WDR36: variants seen among roughly 807,000 people sequenced by gnomAD.
The protein encoded by WDR36 is WD repeat domain 36.
WDR36 carries 63 observed loss-of-function variants against 112.7 expected under a neutral mutation model. The ratio of observed to expected loss-of-function variants is 0.56; its 90% CI spans 0.46 to 0.69. The LOEUF (loss-of-function observed/expected upper bound fraction) is 0.69. Ranked by LOEUF, WDR36 falls within the 30% of genes least tolerant of loss-of-function variation. WDR36 has a pLI of 0.00. For missense variants in WDR36, 1,226 were observed against 1,070.3 expected (o/e 1.15, Z -2.03); for synonymous variants, 410 against 362.2 (o/e 1.13, Z -1.50).
At chr5:111,105,420 A>G in intron 10 of WDR36, 60 bp downstream of exon 10, 1 of 1,474,558 alleles carries the variant, frequency 6.8e-7, no homozygotes, top group South Asian at 1.1e-5. Flanking sequence ...ACATTCTATG[A>G]AACAACTGGA....
intron 4 of WDR36, among the ~76,000 whole-genome samples, chr5:111,099,455 TTTTTTTTG>T (rs1329671394): frequency 4.5e-5 from 3 of 67,202 alleles, no homozygotes; most frequent in African/African-American, 2.0e-4. Flanking sequence ...TTTTTTGTTT[TTTTTTTTG>T]TTTTTTTTTT....
chr5:111,110,542 T>G (rs1753310565), intron 13 of WDR36, among the ~76,000 whole-genome samples: 1 of 151,538 alleles, frequency 6.6e-6, no homozygotes, highest in Non-Finnish European at 1.5e-5. Context: ...CTTCTCTCCT[T>G]TAAGCAGAAA....
chr5:111,113,052 A>ATATATATATATATATATATTT lies in WDR36; in HGVS notation c.1717-21_1717-20insATATATATATATATATATTTT, dbSNP rs35527062. 6.6e-6 allele frequency: 3 copies of ATATATATATATATATATATTT among 455,806 alleles called. No homozygotes were observed. In the African/African-American group the frequency reaches 7.8e-5, roughly 12 times the overall value. The allele number at this position is 455,806 out of a possible 1,614,324, so 28.2% of individuals were successfully genotyped here. A position where few individuals can be genotyped will look rare whatever the true frequency, so the allele number is the denominator to read the frequency against. Reference sequence around the variant, plus strand: ...ATATAAATAATATATATATATATATATTTTTTTTTTTTAATTTAAAGGCTT... The same window carrying ATATATATATATATATATATTT: ...ATATAAATAATATATATATATATATATATATATATATATATATATTTTTTTTTTTTTTTAATTTAAAGGCTT... On this transcript the variant is annotated intron_variant, in intron 15 of 22. Transcript: ENST00000513710.
At chr5:111,107,848 C>G (rs1753250028) in intron 12 of WDR36, among the ~76,000 whole-genome samples, 1 of 151,326 alleles carries the variant, frequency 6.6e-6, no homozygotes. Flanking sequence ...ATCTGTATGT[C>G]TGTTCTTATA....
intron 12 of WDR36, among the ~76,000 whole-genome samples, chr5:111,108,494 C>T (rs1561705338): frequency 1.3e-5 from 2 of 151,228 alleles, no homozygotes; most frequent in Non-Finnish European, 3.0e-5. Flanking sequence ...TATGAAAATC[C>T]AGTCTTAAGC....
Position 111,097,067 on chromosome 5 carries a change from A to G in WDR36, c.191-12A>G, listed in dbSNP as rs1380635498. The G allele has an allele frequency of 6.2e-7, 1 of 1,601,090 alleles. No individual in the cohort carries two copies. Among genetic ancestry groups the G allele is most frequent in the East Asian group, 2.2e-5 (1 of 44,728 alleles). ...AAAATCCCTGTTTCTTTCATTTTGT[A>G]TTTTCTGCTAGGTAATTCTGTTCCA... On this transcript the variant is annotated splice_polypyrimidine_tract_variant and intron_variant, in intron 2 of 22. Transcript: ENST00000513710.
intron 4 of WDR36, among the ~76,000 whole-genome samples, 193 bp downstream of exon 4, chr5:111,099,032 C>G (rs1192949533): frequency 1.3e-5 from 2 of 152,152 alleles, no homozygotes; most frequent in Non-Finnish European, 1.5e-5. Context: ...AAGTTAACTA[C>G]TTATAAACTG....
At chr5:111,120,705 T>A in intron 18 of WDR36, 112 bp downstream of exon 18, 2 of 928,136 alleles carry the variant, frequency 2.2e-6, no homozygotes, top group East Asian at 2.5e-5. Context: ...GTTTTTTAAC[T>A]GATATAAAAG....
At chr5:111,107,591 C>A in intron 12 of WDR36, 152 bp downstream of exon 12, 1 of 940,426 alleles carries the variant, frequency 1.1e-6, no homozygotes. Flanking sequence ...AAATTTGCTC[C>A]TGTGACTTCT....
In WDR36 at chr5:111,129,629, A is replaced by T; in HGVS notation, c.*2746A>T. ...TTTCTGTATTTTATGTCTGTTGCCA[A>T]TGTTTTCTCCTACTTAGCCATTTGG... On this transcript the variant is annotated 3_prime_UTR_variant, in exon 23 of 23. Transcript: ENST00000513710. 1 of 206,686 alleles carries T rather than the reference A, an allele frequency of 4.8e-6. No homozygotes were observed. Among genetic ancestry groups the T allele is most frequent in the East Asian group, 7.4e-5 (1 of 13,450 alleles). 12.8% of individuals were successfully genotyped at this position (206,686 alleles called of 1,614,324 possible).
At chr5:111,124,317 G>T in intron 21 of WDR36, 128 bp downstream of exon 21, 1 of 818,702 alleles carries the variant, frequency 1.2e-6, no homozygotes, top group Non-Finnish European at 1.8e-6. Context: ...TTGAAATTTT[G>T]GTTTTAATTT....
At position 111,105,347 on chromosome 5, in the gene WDR36, G is replaced by C. The variant is rs976739111; in HGVS notation, c.1080G>C (p.Lys360Asn). The C allele has an allele frequency of 1.2e-6, 2 of 1,609,874 alleles. No individual in the cohort carries two copies. Among genetic ancestry groups the C allele is most frequent in the Non-Finnish European group, 1.7e-6 (2 of 1,177,090 alleles). Reference protein sequence around the residue: ...SFSTVHEKFNKSLGHGLINKK... With the variant: ...SFSTVHEKFNNSLGHGLINKK... The stretch of plus-strand genomic sequence containing the variant: ...CCACGGTACATGAAAAATTCAATAA[G>C]AGCTTGGGACATGGTAGGTCCTCTA... Residue 360 changes from lysine (K) to asparagine (N), a missense_variant, in exon 10 of 23, where the codon AAG becomes AAC. Transcript: ENST00000513710.
intron 17 of WDR36, among the ~76,000 whole-genome samples, chr5:111,119,891 G>A (rs1246828750): frequency 6.6e-6 from 1 of 152,070 alleles, no homozygotes. Context: ...GCAGGAGTAT[G>A]GCCCTTCTCA....
intron 2 of WDR36, among the ~76,000 whole-genome samples, chr5:111,095,990 T>G (rs1561700409): frequency 6.6e-6 from 1 of 152,192 alleles, no homozygotes; most frequent in Non-Finnish European, 1.5e-5. Flanking sequence ...AACTTATATT[T>G]TAATAATAGA....
At chr5:111,114,293 A>G (rs1753410846) in intron 16 of WDR36, among the ~76,000 whole-genome samples, 1 of 152,198 alleles carries the variant, frequency 6.6e-6, no homozygotes, top group African/African-American at 2.4e-5. Context: ...GTAACATACC[A>G]TTAGAGAAAG....
At chr5:111,113,525 G>A (rs1167774964) in intron 16 of WDR36, among the ~76,000 whole-genome samples, 1 of 151,942 alleles carries the variant, frequency 6.6e-6, no homozygotes, top group East Asian at 1.9e-4. Flanking sequence ...TAGTTAAAAG[G>A]TCAAACCCCC....
At chr5:111,114,542 G>T (rs550156181) in intron 16 of WDR36, among the ~76,000 whole-genome samples, 1 of 152,172 alleles carries the variant, frequency 6.6e-6, no homozygotes, top group Admixed American at 6.5e-5. Context: ...GCTAACGATT[G>T]TCACTAGTGG....
chr5:111,097,986 A>G (rs996776762), intron 3 of WDR36, among the ~76,000 whole-genome samples: 1 of 152,158 alleles, frequency 6.6e-6, no homozygotes, highest in Non-Finnish European at 1.5e-5. Flanking sequence ...TCCCAGGGAG[A>G]TATATGTGAT....
chr5:111,107,684 A>C (rs757735819), intron 12 of WDR36, among the ~76,000 whole-genome samples: 1 of 151,224 alleles, frequency 6.6e-6, no homozygotes, highest in African/African-American at 2.4e-5. Context: ...AAGGGGTCCA[A>C]ATTCATTTTT....
Sources: allele counts gnomAD v4.1 joint callset (sites outside exome capture counted in the v4.1 genomes callset), GRCh38; gene constraint gnomAD v4.1.1; transcripts MANE v1.5; gene names NCBI Gene and HGNC (gene_info 2026-07-23, HGNC 2026-07-21).